The following GRAMD4 variants were observed in gnomAD, a reference collection of about 807,000 sequenced individuals.
The protein encoded by GRAMD4 is GRAM domain-containing protein 4.
A neutral mutation model predicts 83.9 loss-of-function variants in GRAMD4; 25 were observed. The ratio of observed to expected loss-of-function variants is 0.30; its 90% CI spans 0.22 to 0.42. The LOEUF (loss-of-function observed/expected upper bound fraction) is 0.42. GRAMD4 is among the 10% of genes least tolerant of loss of function. The pLI, the probability that GRAMD4 is intolerant of heterozygous loss-of-function variation, is 1.00. For synonymous variants in GRAMD4, 336 were observed against 320.9 expected (o/e 1.05, Z -0.50); for missense variants, 593 against 788.7 (o/e 0.75, Z 2.97).
intron 2 of GRAMD4, 135 bp from the exon 3 acceptor site, chr22:46,637,705 A>C: frequency 1.2e-6 from 1 of 861,454 alleles, no homozygotes; most frequent in Non-Finnish European, 1.8e-6. Context: ...CCATGTCCAG[A>C]AACTGCAGCT....
upstream of GRAMD4, among the ~76,000 whole-genome samples, chr22:46,619,088 G>C (rs2081539858): frequency 1.3e-5 from 2 of 152,232 alleles, no homozygotes; most frequent in South Asian, 4.1e-4. Context: ...ATCCAGGGAG[G>C]GGATGAAACT....
At chr22:46,605,385 G>C (rs2081355200) in intron 1 of GRAMD4, among the ~76,000 whole-genome samples, 1 of 152,218 alleles carries the variant, frequency 6.6e-6, no homozygotes, top group Non-Finnish European at 1.5e-5. Context: ...CACCCTTTTG[G>C]CTCTTACGAA....
chr22:46,681,725 C>A (rs1391169472), downstream of GRAMD4, among the ~76,000 whole-genome samples: 1 of 152,162 alleles, frequency 6.6e-6, no homozygotes, highest in Non-Finnish European at 1.5e-5. Context: ...ATTCTTGAAC[C>A]AGGGGTTCTC....
intron 3 of GRAMD4, among the ~76,000 whole-genome samples, chr22:46,657,802 G>A (rs2082266341): frequency 6.6e-6 from 1 of 152,258 alleles, no homozygotes; most frequent in Admixed American, 6.5e-5. Flanking sequence ...CTGGGTGGGT[G>A]TGGTGGGCTG....
chr22:46,661,800 T>C (rs574146740), intron 5 of GRAMD4, among the ~76,000 whole-genome samples: 86 of 152,370 alleles, frequency 5.6e-4, no homozygotes, highest in Non-Finnish European at 8.4e-4. Context: ...GCCGCTGCCC[T>C]GGTGCCTCCC....
intron 17 of GRAMD4, among the ~76,000 whole-genome samples, chr22:46,676,011 G>C (rs1569309291): frequency 6.6e-6 from 1 of 152,242 alleles, no homozygotes; most frequent in African/African-American, 2.4e-5. Flanking sequence ...GTGGTCCCTT[G>C]TTTTCTGGGG....
chr22:46,594,587 G>GC (rs909379640), intron 1 of GRAMD4, among the ~76,000 whole-genome samples: 1 of 151,688 alleles, frequency 6.6e-6, no homozygotes, highest in African/African-American at 2.4e-5. Context: ...TGGTTGGGTG[G>GC]GGGGGGTTAG....
intron 1 of GRAMD4, among the ~76,000 whole-genome samples, chr22:46,597,497 A>G (rs966855347): frequency 4.6e-5 from 7 of 151,756 alleles, no homozygotes; most frequent in African/African-American, 1.7e-4. Flanking sequence ...CTATTTATTT[A>G]TTTATTTTTT....
chr22:46,581,136 C>G (rs988459873), intron 1 of GRAMD4, among the ~76,000 whole-genome samples: 4 of 152,096 alleles, frequency 2.6e-5, no homozygotes, highest in Admixed American at 6.6e-5. Context: ...GGCTACTGTT[C>G]TGATTGTTTG....
intron 3 of GRAMD4, among the ~76,000 whole-genome samples, chr22:46,644,712 T>G (rs867321517): frequency 0.36 from 22,301 of 62,462 alleles, 2,202 homozygotes; most frequent in Non-Finnish European, 0.42. Flanking sequence ...TTTTTTTTTT[T>G]TTTTTTTTTT....
intron 3 of GRAMD4, among the ~76,000 whole-genome samples, chr22:46,652,834 G>A (rs576955939): frequency 6.6e-5 from 10 of 152,294 alleles, no homozygotes; most frequent in East Asian, 1.9e-4. Context: ...TTTCTTACTC[G>A]GGAAAGAGAA....
chr22:46,610,353 C>A (rs907415200), intron 1 of GRAMD4, among the ~76,000 whole-genome samples: 1 of 152,236 alleles, frequency 6.6e-6, no homozygotes, highest in African/African-American at 2.4e-5. Flanking sequence ...GGACCCCGGA[C>A]AGGGACGGTC....
At chr22:46,627,953 G>A (rs977089620) in intron 2 of GRAMD4, among the ~76,000 whole-genome samples, 1 of 152,216 alleles carries the variant, frequency 6.6e-6, no homozygotes, top group Admixed American at 6.5e-5. Flanking sequence ...GGTCCTGGGG[G>A]TGGACCGGGA....
intron 1 of GRAMD4, among the ~76,000 whole-genome samples, chr22:46,582,840 T>C (rs1038018046): frequency 1.5e-4 from 23 of 152,182 alleles, no homozygotes; most frequent in African/African-American, 5.6e-4. Flanking sequence ...ATCACCACAA[T>C]CGAAACCCAA....
intron 13 of GRAMD4, among the ~76,000 whole-genome samples, chr22:46,669,635 G>A (rs1010951149): frequency 6.4e-4 from 97 of 151,268 alleles, no homozygotes; most frequent in Non-Finnish European, 1.0e-3. Flanking sequence ...GAGTGCAGTG[G>A]CGTGATCTCG....
chr22:46,592,250 T>C (rs1439876789), intron 1 of GRAMD4, among the ~76,000 whole-genome samples: 1 of 152,168 alleles, frequency 6.6e-6, no homozygotes, highest in African/African-American at 2.4e-5. Context: ...AATTGATAAA[T>C]AAGTGTGGTT....
At chr22:46,667,325 G>A (rs564361101) in intron 10 of GRAMD4, among the ~76,000 whole-genome samples, 1 of 152,334 alleles carries the variant, frequency 6.6e-6, no homozygotes, top group South Asian at 2.1e-4. Context: ...GGGCAACAGA[G>A]CAAGACTCTG....
chr22:46,583,160 G>A (rs1321933552), intron 1 of GRAMD4, among the ~76,000 whole-genome samples: 1 of 152,196 alleles, frequency 6.6e-6, no homozygotes, highest in Non-Finnish European at 1.5e-5. Context: ...CTGACCTTAG[G>A]TGATCCATTC....
At position 46,661,460 on chromosome 22, in the gene GRAMD4, G is replaced by A. The variant is rs766362145; in HGVS notation, c.466+18G>A. ...TGGAGCAGGTACACCCTGGTGGGCGGGTGGACAGGCAGGCGGGCGGGTGGG... is the reference window on the plus strand; with the variant it reads ...TGGAGCAGGTACACCCTGGTGGGCGAGTGGACAGGCAGGCGGGCGGGTGGG... On this transcript the variant is annotated intron_variant, in intron 5 of 18. Coordinates refer to ENST00000406902, the MANE Select transcript of GRAMD4 (RefSeq NM_015124.5). The A allele has an allele frequency of 5.7e-6, 9 of 1,592,498 alleles. No individual in the cohort carries two copies. In the East Asian group the frequency reaches 2.0e-4, roughly 36 times the overall value.
Sources: gnomAD v4.1 joint callset for allele counts (sites outside exome capture counted in the v4.1 genomes callset) on GRCh38, gnomAD v4.1.1 for gene constraint, MANE v1.5 for transcripts, NCBI Gene and HGNC (gene_info 2026-07-23, HGNC 2026-07-21) for gene names.